The following SLFN5 variants were observed in gnomAD, a reference collection of about 807,000 sequenced individuals.
SLFN5 encodes the protein schlafen family member 5.
A neutral mutation model predicts 48.5 loss-of-function variants in SLFN5; 34 were observed. The observed-to-expected ratio is 0.70, with a 90% CI of 0.53 to 0.93. SLFN5 has a LOEUF of 0.93. Among genes scored for constraint, SLFN5 ranks in the 40% least tolerant of loss-of-function variants. The pLI is 0.00. For missense variants in SLFN5, 1,006 were observed against 1,071.3 expected (o/e 0.94, Z 0.85); for synonymous variants, 387 against 396.2 (o/e 0.98, Z 0.28).
At chr17:35,260,329 G>A (rs1031915219) in intron 2 of SLFN5, among the ~76,000 whole-genome samples, 1 of 152,106 alleles carries the variant, frequency 6.6e-6, no homozygotes, top group Non-Finnish European at 1.5e-5. Flanking sequence ...CTTCTTCAAA[G>A]GTCCAGAAAA....
rs549699746 is a variant in SLFN5 at position 35,273,630 on chromosome 17, A to G, written c.*7742A>G. 5 of 152,180 alleles carry G rather than the reference A, an allele frequency of 3.3e-5. No individual in the cohort carries two copies. Among genetic ancestry groups the G allele is most frequent in the African/African-American group, 4.8e-5 (2 of 41,428 alleles). The allele number at this position is 152,180 out of a possible 1,614,324, so 9.4% of individuals were successfully genotyped here. A position where few individuals can be genotyped will look rare whatever the true frequency, so the allele number is the denominator to read the frequency against. ...TTTGCTTCAAGCTTTTTTTTTAAAT[A>G]AAAGAAATGCAATATTGCAATTAAA... On this transcript the variant is annotated 3_prime_UTR_variant, in exon 5 of 5. Transcript: ENST00000299977.
intron 1 of SLFN5, among the ~76,000 whole-genome samples, chr17:35,251,864 C>A (rs1033393651): frequency 8.6e-5 from 13 of 151,978 alleles, no homozygotes; most frequent in Admixed American, 8.5e-4. Context: ...CAGGCACACA[C>A]CACCACGCCC....
intron 2 of SLFN5, chr17:35,259,915 G>T: frequency 1.7e-6 from 1 of 594,802 alleles, no homozygotes; most frequent in Non-Finnish European, 2.8e-6. Flanking sequence ...TCATTCAACA[G>T]ATGCCCTGGC....
intron 1 of SLFN5, among the ~76,000 whole-genome samples, chr17:35,257,919 C>A (rs1421415819): frequency 1.3e-5 from 2 of 152,150 alleles, no homozygotes; most frequent in African/African-American, 4.8e-5. Context: ...TATTAGCACA[C>A]CCCAGAGATA....
chr17:35,262,212 C>T (rs1050525012), intron 3 of SLFN5, among the ~76,000 whole-genome samples: 1 of 151,656 alleles, frequency 6.6e-6, no homozygotes, highest in Non-Finnish European at 1.5e-5. Flanking sequence ...AACCCTGTCT[C>T]TACTAAAAAT....
intron 1 of SLFN5, among the ~76,000 whole-genome samples, chr17:35,250,007 G>A (rs1251683599): frequency 6.6e-6 from 1 of 152,254 alleles, no homozygotes. Flanking sequence ...GGAATGGCTC[G>A]AACCTACAGT....
At chr17:35,254,589 T>A (rs984191093) in intron 1 of SLFN5, among the ~76,000 whole-genome samples, 34 of 152,230 alleles carry the variant, frequency 2.2e-4, no homozygotes, top group Non-Finnish European at 4.7e-4. Flanking sequence ...TTCTTCCTAC[T>A]TCAGAGAACT....
chr17:35,266,392 C>T lies in SLFN5; in HGVS notation c.*504C>T, dbSNP rs1904698715. 1 of 152,674 alleles carries T rather than the reference C, an allele frequency of 6.5e-6. No homozygotes were observed. Among genetic ancestry groups the T allele is most frequent in the South Asian group, 2.1e-4 (1 of 4,846 alleles). 9.5% of individuals were successfully genotyped at this position (152,674 alleles called of 1,614,324 possible). ...GTGAAGGATGGAGCAGGTAGCTCAT[C>T]TGGCCTTGTAGGTGCCGGGAACGGG... On this transcript the variant is annotated 3_prime_UTR_variant, in exon 5 of 5. Transcript: ENST00000299977.
chr17:35,255,386 GA>G (rs2092451885), intron 1 of SLFN5, among the ~76,000 whole-genome samples: 1 of 152,174 alleles, frequency 6.6e-6, no homozygotes, highest in South Asian at 2.1e-4. Context: ...AATGTAAGTT[GA>G]AATAAAAACA....
intron 1 of SLFN5, among the ~76,000 whole-genome samples, chr17:35,251,469 G>A (rs2092442229): frequency 1.3e-5 from 2 of 152,078 alleles, no homozygotes; most frequent in African/African-American, 4.8e-5. Context: ...GCAGTGGCGC[G>A]ATCTCGGCTC....
chr17:35,263,762 G>T lies in SLFN5; in HGVS notation c.1139-421G>T, dbSNP rs944226238. ...CACTTGAACCCAGGAGACAGAAGTT[G>T]CAGTGAGCCGAGATCGCACCACTGG... On this transcript the variant is annotated intron_variant, in intron 3 of 4. Transcript: ENST00000299977. Among the ~76,000 whole-genome samples the T allele has an allele frequency of 3.6e-5, 5 of 140,702 alleles. No homozygotes were observed. The South Asian group carries it at 1.1e-3, about 31-fold the overall frequency. 92.3% of individuals were successfully genotyped at this position (140,702 alleles called of 152,430 possible).
At position 35,259,645 on chromosome 17, in the gene SLFN5, CGT is replaced by C. The variant is rs777572460; in HGVS notation, c.959_960del (p.Val320GlufsTer16). 1 of 1,603,058 alleles carries C rather than the reference CGT, an allele frequency of 6.2e-7. No homozygotes were observed. The highest frequency in any genetic ancestry group is 1.7e-5 in the Admixed American group (1 of 60,024). ...TAGTTCCTGGCAGGTGAAGGACAAC[CGT>C]GTGAGACAATTGCCCACAAGAGAAT... ...VPSSWQVKDN[R>X]VRQLPTREWT... is the part of the protein sequence containing the mutation. On this transcript the variant is annotated frameshift_variant, in exon 2 of 5. Transcript: ENST00000299977. LOFTEE classifies it high-confidence loss of function.
chr17:35,258,620 G>C, intron 1 of SLFN5, 31 bp from the exon 2 acceptor site: 1 of 1,541,130 alleles, frequency 6.5e-7, no homozygotes, highest in Non-Finnish European at 8.7e-7. Flanking sequence ...TTCTTGTCCT[G>C]TTCTAATGGT....
chr17:35,251,149 G>A (rs1258371388), intron 1 of SLFN5, among the ~76,000 whole-genome samples: 1 of 152,164 alleles, frequency 6.6e-6, no homozygotes, highest in African/African-American at 2.4e-5. Flanking sequence ...ACTGTAGAAA[G>A]CCATTTTGTC....
In SLFN5 at chr17:35,258,905, A is replaced by G; in HGVS notation, c.215A>G (p.His72Arg). The G allele has an allele frequency of 6.2e-7, 1 of 1,614,246 alleles. No homozygotes were observed. The highest frequency in any genetic ancestry group is 1.3e-5 in the African/African-American group (1 of 75,066). ...IENKGYNYER[H>R]GVGLDVPPIF... ...AACAAAGGCTACAATTATGAACGTC[A>G]TGGAGTAGGATTGGATGTGCCTCCA... The change falls in exon 2 of 5, where the codon CAT becomes CGT. Residue 72 changes from histidine (H) to arginine (R), a missense_variant. His to Arg is a conservative substitution (Grantham distance 29). Transcript: ENST00000299977.
Position 35,259,360 on chromosome 17 carries a change from G to C in SLFN5, c.670G>C (p.Gly224Arg). ...KCVSAFANTE[G>R]GYVFFGVHDE... ...TGTTTCTGCATTTGCAAATACTGAA[G>C]GAGGATATGTATTTTTTGGTGTGCA... The change falls in exon 2 of 5, where the codon GGA becomes CGA. Residue 224 changes from glycine to arginine, a missense_variant. By Grantham distance (125) the Gly-to-Arg change is moderately radical (BLOSUM62 -2). Coordinates refer to ENST00000299977, the MANE Select transcript of SLFN5 (RefSeq NM_144975.4). 1.2e-6 allele frequency: 2 copies of C among 1,614,174 alleles called. No individual in the cohort carries two copies. The highest frequency in any genetic ancestry group is 1.7e-6 in the Non-Finnish European group (2 of 1,180,038).
chr17:35,253,434 T>C (rs2092447282), intron 1 of SLFN5, among the ~76,000 whole-genome samples: 1 of 152,010 alleles, frequency 6.6e-6, no homozygotes, highest in South Asian at 2.1e-4. Flanking sequence ...TGCAGTGGTA[T>C]GATCTTGGCT....
At position 35,271,808 on chromosome 17, in the gene SLFN5, T is replaced by C. The variant is rs1398722517; in HGVS notation, c.*5920T>C. On this transcript the variant is annotated 3_prime_UTR_variant, in exon 5 of 5. Coordinates refer to ENST00000299977, the MANE Select transcript of SLFN5 (RefSeq NM_144975.4). ...ACTTTGAGAGGCCGAGGCAGGTGGA[T>C]TGCCTGAGTCCAGGAGTTCCAGACC... 6.6e-6 allele frequency: 1 copy of C among 152,174 alleles called. No homozygotes were observed. The allele number at this position is 152,174 out of a possible 1,614,324, so 9.4% of individuals were successfully genotyped here. A position where few individuals can be genotyped will look rare whatever the true frequency, so the allele number is the denominator to read the frequency against.
chr17:35,262,206 C>T (rs974492373), intron 3 of SLFN5, among the ~76,000 whole-genome samples: 1 of 151,668 alleles, frequency 6.6e-6, no homozygotes, highest in African/African-American at 2.4e-5. Context: ...CAGTGAAACC[C>T]TGTCTCTACT....
Sources: allele counts gnomAD v4.1 joint callset (sites outside exome capture counted in the v4.1 genomes callset), GRCh38; gene constraint gnomAD v4.1.1; transcripts MANE v1.5; gene names NCBI Gene and HGNC (gene_info 2026-07-23, HGNC 2026-07-21).